The following GATAD2B variants were observed in gnomAD, a reference collection of about 807,000 sequenced individuals.
GATAD2B encodes the protein GATA zinc finger domain containing 2B, also known as transcriptional repressor p66-beta.
In GATAD2B, 8 loss-of-function variants were observed where a neutral mutation model predicts 64.3. The observed-to-expected ratio is 0.12, with a 90% confidence interval of 0.07 to 0.22. The LOEUF (loss-of-function observed/expected upper bound fraction) is 0.22. Among genes scored for constraint, GATAD2B ranks in the 10% least tolerant of loss-of-function variants. The pLI is 1.00. For synonymous variants in GATAD2B, 281 were observed against 271.3 expected (o/e 1.04, Z -0.35); for missense variants, 453 against 752.0 (o/e 0.60, Z 4.65).
At chr1:153,906,095 G>A (rs1468696302) in intron 1 of GATAD2B, among the ~76,000 whole-genome samples, 7 of 140,130 alleles carry the variant, frequency 5.0e-5, no homozygotes, top group East Asian at 2.2e-4. Flanking sequence ...CCCCTCCCCC[G>A]CACCCCACAC....
rs759559639 is a variant in GATAD2B, at chr1:153,816,184, A to G, written c.1216+89T>C. The G allele has an allele frequency of 4.2e-5, 35 of 825,982 alleles. No homozygotes were observed. The Middle Eastern group carries it at 2.3e-3, about 55-fold the overall frequency. 51.2% of individuals were successfully genotyped at this position (825,982 alleles called of 1,614,324 possible). A position where few individuals can be genotyped will look rare whatever the true frequency, so the allele number is the denominator to read the frequency against. On this transcript the variant is annotated intron_variant, in intron 7 of 10. Transcript: ENST00000368655. This position sits in a 1 kb window ranked among gnomAD's most constrained non-coding sequence, Gnocchi z 4.9. ...TAACAGGAAGGAGAAGTTATTTAAT[A>G]TTGTACAGTACCCTCTGATACTCTG...
intron 1 of GATAD2B, among the ~76,000 whole-genome samples, chr1:153,896,527 C>G (rs181814774): frequency 9.3e-4 from 141 of 151,306 alleles, no homozygotes; most frequent in Non-Finnish European, 1.6e-3. Flanking sequence ...ACCTCCACCT[C>G]CCGGGTTCAA....
intron 2 of GATAD2B, among the ~76,000 whole-genome samples, 170 bp from the exon 3 acceptor site, chr1:153,819,905 C>T (rs1170244738): frequency 6.6e-6 from 1 of 151,994 alleles, no homozygotes; most frequent in Non-Finnish European, 1.5e-5. Flanking sequence ...TCGAGACCAG[C>T]CTGACCGACA....
At chr1:153,883,271 TA>T (rs1677063316) in intron 1 of GATAD2B, among the ~76,000 whole-genome samples, 1 of 152,200 alleles carries the variant, frequency 6.6e-6, no homozygotes, top group African/African-American at 2.4e-5. Context: ...CATATAATAT[TA>T]ACTTCAATTT....
intron 2 of GATAD2B, among the ~76,000 whole-genome samples, chr1:153,820,974 A>ATTTTTTTT (rs869096882): frequency 2.9e-4 from 15 of 50,868 alleles, no homozygotes; most frequent in African/African-American, 1.3e-3. Context: ...GGCACATGGA[A>ATTTTTTTT]TTTTTTTTTT....
chr1:153,902,464 CT>C (rs1319898287), intron 1 of GATAD2B, among the ~76,000 whole-genome samples: 1 of 151,582 alleles, frequency 6.6e-6, no homozygotes, highest in Admixed American at 6.6e-5. Context: ...TATTGTATTC[CT>C]TTTTTTGAGA....
intron 3 of GATAD2B, 41 bp downstream of exon 3, chr1:153,819,565 A>C: frequency 3.7e-6 from 5 of 1,366,014 alleles, no homozygotes; most frequent in Non-Finnish European, 5.1e-6. Flanking sequence ...ATAAAATAGA[A>C]GGAGCATAAC....
chr1:153,912,164 A>C (rs1007234065), intron 1 of GATAD2B, among the ~76,000 whole-genome samples: 1 of 152,220 alleles, frequency 6.6e-6, no homozygotes, highest in Non-Finnish European at 1.5e-5. Context: ...TTCATAGTAC[A>C]AAGTCATGCA....
intron 1 of GATAD2B, among the ~76,000 whole-genome samples, chr1:153,836,371 C>G (rs1023528948): frequency 6.6e-6 from 1 of 151,324 alleles, no homozygotes; most frequent in African/African-American, 2.4e-5. Flanking sequence ...ATGCCTCAGC[C>G]TTCCAAGTAG....
At chr1:153,873,378 G>A (rs1356599068) in intron 1 of GATAD2B, among the ~76,000 whole-genome samples, 2 of 152,188 alleles carry the variant, frequency 1.3e-5, no homozygotes, top group Non-Finnish European at 2.9e-5. Context: ...TCATCTGTTG[G>A]ATACTTGGTG....
chr1:153,839,538 AT>A (rs1675399750), intron 1 of GATAD2B, among the ~76,000 whole-genome samples: 1 of 152,212 alleles, frequency 6.6e-6, no homozygotes. Context: ...CTATAGTTAT[AT>A]AATGTAACTT....
chr1:153,889,116 A>G (rs1677275568), intron 1 of GATAD2B, among the ~76,000 whole-genome samples: 1 of 152,204 alleles, frequency 6.6e-6, no homozygotes, highest in East Asian at 1.9e-4. Context: ...CTGAATTGCT[A>G]TGTTCAACAG....
At chr1:153,832,453 G>C (rs1422942870) in intron 1 of GATAD2B, among the ~76,000 whole-genome samples, 1 of 152,134 alleles carries the variant, frequency 6.6e-6, no homozygotes, top group Admixed American at 6.6e-5. Context: ...GAGAAATGAG[G>C]AAGCTGCAAA....
intron 1 of GATAD2B, among the ~76,000 whole-genome samples, chr1:153,836,561 A>G (rs1292254666): frequency 1.6e-5 from 2 of 128,494 alleles, no homozygotes; most frequent in African/African-American, 5.3e-5. Flanking sequence ...TAAAAAAGTT[A>G]AAAAAAAAAG....
At position 153,807,175 on chromosome 1, in the gene GATAD2B, T is replaced by C. The variant is rs866943178; in HGVS notation, c.*3002A>G. On this transcript the variant is annotated 3_prime_UTR_variant, in exon 11 of 11. Coordinates refer to ENST00000368655, the MANE Select transcript of GATAD2B (RefSeq NM_020699.4). ...ATACTGCTTTTAGTGCCTCTGGGGA[T>C]GGAGGAAGCCAGGCAGAACTGGTGG... 3.9e-5 allele frequency: 6 copies of C among 152,152 alleles called. No homozygotes were observed. The highest frequency in any genetic ancestry group is 8.8e-5 in the Non-Finnish European group (6 of 68,052). 9.4% of individuals were successfully genotyped at this position (152,152 alleles called of 1,614,324 possible).
chr1:153,859,057 G>C (rs1676183153), intron 1 of GATAD2B, among the ~76,000 whole-genome samples: 1 of 152,082 alleles, frequency 6.6e-6, no homozygotes, highest in African/African-American at 2.4e-5. Flanking sequence ...CAGATGAAGT[G>C]CTAAATCCAA....
Position 153,827,291 on chromosome 1 carries a change from G to GA in GATAD2B, c.335+721dup, listed in dbSNP as rs1234509931. 5.1e-3 allele frequency among the ~76,000 whole-genome samples: 680 copies of GA among 133,728 alleles called. 2 individuals are homozygous for GA. The highest frequency in any genetic ancestry group is 0.017 in the African/African-American group (613 of 36,514). 87.7% of individuals were successfully genotyped at this position (133,728 alleles called of 152,430 possible). A position where few individuals can be genotyped will look rare whatever the true frequency, so the allele number is the denominator to read the frequency against. On this transcript the variant is annotated intron_variant, in intron 2 of 10. Coordinates refer to ENST00000368655, the MANE Select transcript of GATAD2B (RefSeq NM_020699.4). The stretch of plus-strand genomic sequence containing the variant: ...CAAAAAAACTCATAAAAAACAAAAA[G>GA]AAAAAAAAAACCCCAACTAGGGTTA...
At chr1:153,861,809 T>TATATATATATATATATATACAC (rs1294838675) in intron 1 of GATAD2B, among the ~76,000 whole-genome samples, 19 of 122,178 alleles carry the variant, frequency 1.6e-4, no homozygotes, top group African/African-American at 5.7e-4. Context: ...TATATATATA[T>TATATATATATATATATATACAC]ACACATATGT....
rs35262137 is a variant in GATAD2B at position 153,839,108 on chromosome 1, C to CAAAAAAAAAAAAA, written c.-1-10773_-1-10761dup. 5.3e-3 allele frequency among the ~76,000 whole-genome samples: 416 copies of CAAAAAAAAAAAAA among 78,552 alleles called. 3 individuals carry two copies. The highest frequency in any genetic ancestry group is 7.2e-3 in the East Asian group (15 of 2,078). 51.5% of individuals were successfully genotyped at this position (78,552 alleles called of 152,430 possible). A position where few individuals can be genotyped will look rare whatever the true frequency, so the allele number is the denominator to read the frequency against. On this transcript the variant is annotated intron_variant, in intron 1 of 10. Coordinates refer to ENST00000368655, the MANE Select transcript of GATAD2B (RefSeq NM_020699.4). ...TGGGTGACAGAACGAGACCCTGTCT[C>CAAAAAAAAAAAAA]AAAAAAAAAAAAAAAAAAAAAAAAA...
Sources: gnomAD v4.1 joint callset for allele counts (sites outside exome capture counted in the v4.1 genomes callset) on GRCh38, gnomAD v4.1.1 for gene constraint, Gnocchi (gnomAD v3.1) non-coding constraint, MANE v1.5 for transcripts, NCBI Gene and HGNC (gene_info 2026-07-23, HGNC 2026-07-21) for gene names.